SULF1: variants seen among roughly 807,000 people sequenced by gnomAD.
SULF1 encodes the protein sulfatase 1, also known as extracellular sulfatase Sulf-1.
A neutral mutation model predicts 110.5 loss-of-function variants in SULF1; 46 were observed. The ratio of observed to expected loss-of-function variants is 0.42; its 90% CI spans 0.33 to 0.53. The LOEUF (loss-of-function observed/expected upper bound fraction) is 0.53, where lower values mean the gene tolerates loss of function less well. Ranked by LOEUF, SULF1 falls within the 20% of genes least tolerant of loss-of-function variation. SULF1 has a pLI of 0.12. For synonymous variants in SULF1, 371 were observed against 387.1 expected, an observed-to-expected ratio of 0.96 and a Z score of 0.49; for missense variants, 941 against 1,094.2, an observed-to-expected ratio of 0.86 and a Z score of 1.98.
At chr8:69,471,148 T>C (rs1372559677) in intron 1 of SULF1, among the ~76,000 whole-genome samples, 3 of 152,234 alleles carry the variant, frequency 2.0e-5, no homozygotes, top group South Asian at 2.1e-4. Flanking sequence ...TGGTTATCTA[T>C]GGATTGCACT....
rs983203947 is a variant in SULF1 at position 69,497,164 on chromosome 8, T to C, written c.-229+1238T>C. Among the ~76,000 whole-genome samples the C allele has an allele frequency of 1.5e-4, 23 of 149,710 alleles. No homozygotes were observed. In the East Asian group the frequency reaches 4.1e-3, roughly 27 times the overall value. On this transcript the variant is annotated intron_variant, in intron 2 of 22. Transcript: ENST00000402687. ...CAGAATGTTCTTTTCTCTTTTTTTT[T>C]TTTTTTTTTTTGAGACAGAGTCTTG...
At chr8:69,630,942 A>G (rs1290889172) in intron 19 of SULF1, among the ~76,000 whole-genome samples, 1 of 151,904 alleles carries the variant, frequency 6.6e-6, no homozygotes, top group Non-Finnish European at 1.5e-5. Flanking sequence ...AGTATTAGGT[A>G]TATCTCCTAA....
At chr8:69,628,669 G>A (rs145758839) in intron 18 of SULF1, among the ~76,000 whole-genome samples, 10 of 152,212 alleles carry the variant, frequency 6.6e-5, no homozygotes, top group African/African-American at 2.4e-4. Flanking sequence ...GCATGTGAAG[G>A]AGATTTAGTA....
intron 22 of SULF1, among the ~76,000 whole-genome samples, chr8:69,653,391 C>T (rs1006035644): frequency 3.3e-5 from 5 of 152,096 alleles, no homozygotes; most frequent in Non-Finnish European, 2.9e-5. Context: ...TGTATTTCAA[C>T]GATTTTTAAA....
intron 5 of SULF1, among the ~76,000 whole-genome samples, chr8:69,566,565 C>T (rs1586420845): frequency 2.0e-5 from 3 of 152,272 alleles, no homozygotes; most frequent in Non-Finnish European, 4.4e-5. Context: ...AGAACTAGCT[C>T]ATTGGCTGGG....
chr8:69,546,904 CCTG>C (rs1291256069), intron 3 of SULF1, among the ~76,000 whole-genome samples: 5 of 152,174 alleles, frequency 3.3e-5, no homozygotes, highest in African/African-American at 1.2e-4. Flanking sequence ...AATAAGTAAA[CCTG>C]AAACCAATAT....
At chr8:69,589,200 C>G (rs778409744) in intron 8 of SULF1, 59 bp downstream of exon 8, 42 of 1,514,168 alleles carry the variant, frequency 2.8e-5, no homozygotes, top group Non-Finnish European at 3.8e-5. Context: ...TTCTCCTCAT[C>G]CCACTCCTCT....
At chr8:69,620,489 C>T (rs546853899) in intron 13 of SULF1, among the ~76,000 whole-genome samples, 2 of 152,164 alleles carry the variant, frequency 1.3e-5, no homozygotes, top group South Asian at 4.1e-4. Context: ...AGAAAAGACA[C>T]AAAAGAAAGC....
At position 69,629,599 on chromosome 8, in the gene SULF1, A is replaced by T; in HGVS notation, c.2204A>T (p.Lys735Met). The change falls in exon 19 of 23, where the codon AAG becomes ATG. Residue 735 changes from lysine to methionine, a missense_variant. Lys to Met is a moderately conservative substitution (Grantham distance 95). Coordinates refer to ENST00000402687, the MANE Select transcript of SULF1 (RefSeq NM_001128205.2). ...KERKEKRRQR[K>M]GEECSLPGLT... is the part of the protein sequence containing the mutation. ...AGGAAGGAGAAGAGACGGCAGAGGA[A>T]GGGGGAAGAGTGCAGCCTGCCTGGC... The T allele has an allele frequency of 6.2e-7, 1 of 1,614,018 alleles. No homozygotes were observed. The highest frequency in any genetic ancestry group is 2.2e-5 in the East Asian group (1 of 44,876).
At chr8:69,495,466 A>G (rs1810279671) in intron 1 of SULF1, among the ~76,000 whole-genome samples, 1 of 152,084 alleles carries the variant, frequency 6.6e-6, no homozygotes, top group African/African-American at 2.4e-5. Context: ...TCTCCCTACT[A>G]TGTTCTAATG....
intron 6 of SULF1, among the ~76,000 whole-genome samples, chr8:69,581,921 C>G (rs527724949): frequency 5.9e-5 from 9 of 152,086 alleles, no homozygotes; most frequent in African/African-American, 2.2e-4. Flanking sequence ...TGGGTGAGCG[C>G]ACATCTGGAA....
At chr8:69,533,696 T>C (rs969138558) in intron 3 of SULF1, among the ~76,000 whole-genome samples, 1 of 152,190 alleles carries the variant, frequency 6.6e-6, no homozygotes, top group African/African-American at 2.4e-5. Context: ...CTATTGTAAA[T>C]AGTGCTGCAA....
At chr8:69,640,869 C>G in intron 22 of SULF1, 28 bp downstream of exon 22, 1 of 1,602,414 alleles carries the variant, frequency 6.2e-7, no homozygotes, top group South Asian at 1.1e-5. Flanking sequence ...TTCTTCTCAA[C>G]AGCTTCTTCC....
At chr8:69,471,077 G>A (rs1809063384) in intron 1 of SULF1, among the ~76,000 whole-genome samples, 1 of 152,150 alleles carries the variant, frequency 6.6e-6, no homozygotes, top group Non-Finnish European at 1.5e-5. Flanking sequence ...CACCGCCTTT[G>A]AGAAGCCTCT....
Position 69,621,892 on chromosome 8 carries a change from C to G in SULF1, c.1594+641C>G, listed in dbSNP as rs1809638747. ...TGACACCCTCCACGAAAGAATGAATCTAGTACCACCTAGTGGAGTAACATG... is the reference window on the plus strand; with the variant it reads ...TGACACCCTCCACGAAAGAATGAATGTAGTACCACCTAGTGGAGTAACATG... On this transcript the variant is annotated intron_variant, in intron 14 of 22. Transcript: ENST00000402687. 3.3e-5 allele frequency among the ~76,000 whole-genome samples: 5 copies of G among 152,286 alleles called. No individual in the cohort carries two copies. The South Asian group carries it at 1.0e-3, about 32-fold the overall frequency.
At chr8:69,608,406 A>G (rs1248755837) in intron 13 of SULF1, among the ~76,000 whole-genome samples, 2 of 152,240 alleles carry the variant, frequency 1.3e-5, no homozygotes, top group African/African-American at 4.8e-5. Context: ...GAGGCCGGGC[A>G]CGGTGGCTGA....
chr8:69,523,465 A>T (rs1354721653), intron 3 of SULF1, among the ~76,000 whole-genome samples: 1 of 152,112 alleles, frequency 6.6e-6, no homozygotes, highest in Non-Finnish European at 1.5e-5. Context: ...ACCTCTTTGA[A>T]GTTCATGGCA....
intron 3 of SULF1, among the ~76,000 whole-genome samples, chr8:69,543,704 T>C (rs2150674572): frequency 6.6e-6 from 1 of 152,328 alleles, no homozygotes; most frequent in African/African-American, 2.4e-5. Flanking sequence ...TTTACATCTT[T>C]TTTTTGACAA....
In SULF1 at chr8:69,528,466, G is replaced by A. The variant is rs575432324; in HGVS notation, c.-134+26498G>A. Among the ~76,000 whole-genome samples, 16 of 152,250 alleles carry A rather than the reference G, an allele frequency of 1.1e-4. No individual in the cohort carries two copies. In the East Asian group the frequency reaches 2.5e-3, roughly 24 times the overall value. On this transcript the variant is annotated intron_variant, in intron 3 of 22. Coordinates refer to ENST00000402687, the MANE Select transcript of SULF1 (RefSeq NM_001128205.2). ...AATCCAAATTCTCAAAAGATTAGTC[G>A]ACTTAGTATTGTGCTTTGTAGTCGA...
Sources: gnomAD v4.1 joint callset for allele counts (sites outside exome capture counted in the v4.1 genomes callset) on GRCh38, gnomAD v4.1.1 for gene constraint, MANE v1.5 for transcripts, NCBI Gene and HGNC (gene_info 2026-07-23, HGNC 2026-07-21) for gene names.